Variants in ANO10 observed in about 807,000 individuals in gnomAD.
ANO10 encodes anoctamin 10, also known as anoctamin-10.
A neutral mutation model predicts 74.7 loss-of-function variants in ANO10; 77 were observed. That is an observed-to-expected ratio of 1.03 (90% CI 0.86 to 1.25). The LOEUF is 1.25. Ranked by LOEUF, ANO10 falls within the 50% of genes most tolerant of loss-of-function variation. The pLI, the probability that ANO10 is intolerant of heterozygous loss-of-function variation, is 0.00. For missense variants in ANO10, 721 were observed against 778.1 expected, an observed-to-expected ratio of 0.93 and a Z score of 0.87; for synonymous variants, 279 against 284.9, an observed-to-expected ratio of 0.98 and a Z score of 0.21.
intron 11 of ANO10, among the ~76,000 whole-genome samples, chr3:43,473,138 T>C (rs1032510434): frequency 6.7e-6 from 1 of 149,854 alleles, no homozygotes; most frequent in African/African-American, 2.4e-5. Context: ...CTCTGGAAGA[T>C]TTTTGGTCCA....
At chr3:43,636,280 T>C (rs996459777) in intron 1 of ANO10, 2 of 152,268 alleles carry the variant, frequency 1.3e-5, no homozygotes, top group African/African-American at 4.8e-5. Context: ...AGGGAGCTGG[T>C]TGAGGACTGC....
At chr3:43,427,228 G>T (rs568225666) in intron 12 of ANO10, among the ~76,000 whole-genome samples, 4 of 152,258 alleles carry the variant, frequency 2.6e-5, no homozygotes, top group Admixed American at 2.0e-4. Context: ...AAACTTGCTT[G>T]TTCTTGGCAC....
At chr3:43,677,922 A>G (rs575388435) in intron 1 of ANO10, among the ~76,000 whole-genome samples, 1 of 152,356 alleles carries the variant, frequency 6.6e-6, no homozygotes, top group African/African-American at 2.4e-5. Flanking sequence ...ACAAGTCACA[A>G]GTTCAGACTC....
At chr3:43,661,924 C>A (rs1287389908) in intron 1 of ANO10, among the ~76,000 whole-genome samples, 1 of 152,182 alleles carries the variant, frequency 6.6e-6, no homozygotes, top group Non-Finnish European at 1.5e-5. Context: ...TAGAGACCTA[C>A]AAAGAGACTT....
At chr3:43,488,047 T>C (rs1480028448) in intron 11 of ANO10, among the ~76,000 whole-genome samples, 2 of 152,128 alleles carry the variant, frequency 1.3e-5, no homozygotes, top group East Asian at 3.8e-4. Flanking sequence ...TTGAAAAACC[T>C]GACAAAAACA....
intron 4 of ANO10, among the ~76,000 whole-genome samples, chr3:43,584,109 G>A (rs2081373424): frequency 2.0e-5 from 3 of 152,238 alleles, no homozygotes; most frequent in South Asian, 4.1e-4. Context: ...CTGAGGGCAT[G>A]AAAAGATCTT....
chr3:43,405,570 T>C (rs1237046257), intron 12 of ANO10, among the ~76,000 whole-genome samples: 2 of 152,180 alleles, frequency 1.3e-5, no homozygotes, highest in East Asian at 1.9e-4. Context: ...ACTGCAGCCA[T>C]GCTTTCCCAG....
intron 1 of ANO10, among the ~76,000 whole-genome samples, chr3:43,674,623 G>T (rs1290018850): frequency 1.3e-5 from 2 of 152,208 alleles, no homozygotes; most frequent in Non-Finnish European, 2.9e-5. Flanking sequence ...CTAAGAAGCA[G>T]TCCCTGAGAC....
intron 11 of ANO10, among the ~76,000 whole-genome samples, chr3:43,436,814 A>T (rs1455684228): frequency 6.6e-6 from 1 of 152,190 alleles, no homozygotes; most frequent in Non-Finnish European, 1.5e-5. Flanking sequence ...GATATGATCC[A>T]TAGTAGTAGC....
In ANO10 at chr3:43,567,429, C is replaced by G. The variant is rs1055027531; in HGVS notation, c.1219-1702G>C. On this transcript the variant is annotated intron_variant, in intron 7 of 12. Transcript: ENST00000292246. The stretch of plus-strand genomic sequence containing the variant: ...AAGGAAAAAATGTTAAGGGCAGCCA[C>G]AGAGAAAGGTCGGGTTACCCTTAAA... Among the ~76,000 whole-genome samples the G allele has an allele frequency of 4.6e-3, 700 of 152,194 alleles. 6 individuals carry two copies. Among genetic ancestry groups the G allele is most frequent in the African/African-American group, 0.016 (666 of 41,536 alleles).
intron 11 of ANO10, among the ~76,000 whole-genome samples, chr3:43,435,505 T>C (rs2093053314): frequency 7.8e-6 from 1 of 128,502 alleles, no homozygotes; most frequent in Admixed American, 8.2e-5. Context: ...CGAGACTCCA[T>C]CTCAGAAAAA....
chr3:43,633,198 C>A (rs2083567930), intron 1 of ANO10, among the ~76,000 whole-genome samples: 1 of 151,938 alleles, frequency 6.6e-6, no homozygotes, highest in South Asian at 2.1e-4. Context: ...GCGGTTTTTG[C>A]CATTGAGAGT....
chr3:43,409,475 CAG>C (rs2092630051), intron 12 of ANO10, among the ~76,000 whole-genome samples: 1 of 151,762 alleles, frequency 6.6e-6, no homozygotes, highest in Admixed American at 6.6e-5. Flanking sequence ...GCCTGGGAAG[CAG>C]AGTTTGCAGT....
intron 11 of ANO10, among the ~76,000 whole-genome samples, chr3:43,434,326 T>C (rs2093035446): frequency 6.6e-6 from 1 of 152,198 alleles, no homozygotes; most frequent in Non-Finnish European, 1.5e-5. Flanking sequence ...TATGTTGAAA[T>C]TCTGAACTAA....
At chr3:43,565,320 C>T (rs1396473002) in intron 8 of ANO10, among the ~76,000 whole-genome samples, 1 of 152,144 alleles carries the variant, frequency 6.6e-6, no homozygotes, top group Non-Finnish European at 1.5e-5. Flanking sequence ...TAAGGTTACA[C>T]CAATCATCCC....
chr3:43,561,943 G>A (rs1163231428), intron 8 of ANO10, among the ~76,000 whole-genome samples: 2 of 151,926 alleles, frequency 1.3e-5, no homozygotes, highest in African/African-American at 2.4e-5. Flanking sequence ...GCCAACTCTG[G>A]ATAAAAAAAG....
intron 11 of ANO10, among the ~76,000 whole-genome samples, chr3:43,520,993 C>T (rs1345002670): frequency 6.6e-6 from 1 of 152,096 alleles, no homozygotes; most frequent in African/African-American, 2.4e-5. Flanking sequence ...CATTTTTGTA[C>T]ATTGTTCTTG....
intron 1 of ANO10, among the ~76,000 whole-genome samples, chr3:43,612,140 TTATATATATATATATATATATATA>T (rs55675402): frequency 0.035 from 2,288 of 64,584 alleles, 97 homozygotes; most frequent in African/African-American, 0.1. Flanking sequence ...ATTAAATATT[TTATATATATATATATATATATATA>T]TATATATATA....
intron 1 of ANO10, among the ~76,000 whole-genome samples, chr3:43,684,752 T>C (rs2084251902): frequency 6.6e-6 from 1 of 152,122 alleles, no homozygotes; most frequent in Admixed American, 6.5e-5. Context: ...TATGCAGCCA[T>C]AAAAAATGAT....
Sources: allele counts gnomAD v4.1 joint callset (sites outside exome capture counted in the v4.1 genomes callset), GRCh38; gene constraint gnomAD v4.1.1; transcripts MANE v1.5; gene names NCBI Gene and HGNC (gene_info 2026-07-23, HGNC 2026-07-21).